Variants in GALNT17 observed in about 807,000 individuals in gnomAD.
GALNT17 encodes the protein polypeptide N-acetylgalactosaminyltransferase 17.
Under a neutral mutation model 63.7 loss-of-function variants are expected in GALNT17, and 29 were observed. That is an observed-to-expected ratio of 0.46 (90% CI 0.34 to 0.62). GALNT17 has a LOEUF of 0.62. GALNT17 is among the 20% of genes least tolerant of loss of function. The pLI, the probability that GALNT17 is intolerant of heterozygous loss-of-function variation, is 0.01. For synonymous variants in GALNT17, 305 were observed against 318.3 expected (o/e 0.96, Z 0.45); for missense variants, 603 against 799.6 (o/e 0.75, Z 2.97).
At chr7:71,664,035 G>GTT (rs35903054) in intron 6 of GALNT17, among the ~76,000 whole-genome samples, 7 of 142,502 alleles carry the variant, frequency 4.9e-5, no homozygotes, top group African/African-American at 5.1e-5. Flanking sequence ...TTACAATAAG[G>GTT]TTTTTTTTTT....
chr7:71,141,789 G>T (rs1036618272), intron 1 of GALNT17, among the ~76,000 whole-genome samples: 1 of 149,410 alleles, frequency 6.7e-6, no homozygotes, highest in African/African-American at 2.5e-5. Flanking sequence ...TGATCCTCCT[G>T]CCTCAGCCTG....
At chr7:71,140,244 C>T (rs1787861284) in intron 1 of GALNT17, among the ~76,000 whole-genome samples, 1 of 152,218 alleles carries the variant, frequency 6.6e-6, no homozygotes, top group African/African-American at 2.4e-5. Context: ...CCTTCATTTG[C>T]TGCACGCAGA....
chr7:71,174,500 A>G (rs1190556795), intron 1 of GALNT17, among the ~76,000 whole-genome samples: 1 of 152,182 alleles, frequency 6.6e-6, no homozygotes, highest in Admixed American at 6.5e-5. Flanking sequence ...TGTGAGCAAC[A>G]TGGCTGTTTA....
intron 1 of GALNT17, among the ~76,000 whole-genome samples, chr7:71,272,600 C>T (rs1790613495): frequency 6.6e-6 from 1 of 152,206 alleles, no homozygotes; most frequent in Non-Finnish European, 1.5e-5. Flanking sequence ...GCCTCAGTTA[C>T]TGCTCCCATA....
intron 1 of GALNT17, among the ~76,000 whole-genome samples, chr7:71,246,263 A>G (rs1006847903): frequency 6.6e-6 from 1 of 151,154 alleles, no homozygotes; most frequent in African/African-American, 2.4e-5. Flanking sequence ...CTGGGATTAC[A>G]GGCACCCACC....
At chr7:71,366,038 T>C (rs1394016063) in intron 2 of GALNT17, among the ~76,000 whole-genome samples, 1 of 152,122 alleles carries the variant, frequency 6.6e-6, no homozygotes, top group Non-Finnish European at 1.5e-5. Flanking sequence ...GCTCGCAACC[T>C]AGATCCCTCG....
intron 3 of GALNT17, among the ~76,000 whole-genome samples, chr7:71,394,359 C>T (rs1793102381): frequency 6.6e-6 from 1 of 152,142 alleles, no homozygotes; most frequent in Non-Finnish European, 1.5e-5. Flanking sequence ...ACCACCAGGC[C>T]CCACCTTCAA....
chr7:71,183,919 CAG>C (rs1438002188), intron 1 of GALNT17, among the ~76,000 whole-genome samples: 2 of 152,064 alleles, frequency 1.3e-5, no homozygotes, highest in Non-Finnish European at 2.9e-5. Context: ...CACAAAGCAG[CAG>C]CAGGGACAAC....
At chr7:71,689,900 A>G (rs1054960994) in intron 9 of GALNT17, among the ~76,000 whole-genome samples, 1 of 152,140 alleles carries the variant, frequency 6.6e-6, no homozygotes, top group Non-Finnish European at 1.5e-5. Context: ...CTCATTTACC[A>G]TTTTGAAGAT....
intron 9 of GALNT17, among the ~76,000 whole-genome samples, chr7:71,698,137 A>AAAAAG (rs1562740796): frequency 2.6e-5 from 4 of 151,216 alleles, no homozygotes; most frequent in Admixed American, 6.6e-5. Context: ...AAAAAAAAAA[A>AAAAAG]AAAAGAAAAG....
At chr7:71,358,778 T>C (rs879259401) in intron 2 of GALNT17, among the ~76,000 whole-genome samples, 8 of 152,108 alleles carry the variant, frequency 5.3e-5, no homozygotes, top group Non-Finnish European at 7.4e-5. Context: ...TCTTTTTCTT[T>C]TTCTTTTTTT....
intron 3 of GALNT17, among the ~76,000 whole-genome samples, chr7:71,407,765 C>T (rs1676338109): frequency 6.6e-6 from 1 of 152,020 alleles, no homozygotes; most frequent in African/African-American, 2.4e-5. Context: ...AACAAAATTA[C>T]ACACAACATA....
chr7:71,365,491 C>T lies in GALNT17; in HGVS notation c.423-22744C>T, dbSNP rs528296260. On this transcript the variant is annotated intron_variant, in intron 2 of 10. Transcript: ENST00000333538. ...TTGACCTGTGGTGATCCACCCGCCT[C>T]GGCTTCCCAAAGTGCTGGGATTATA... 3.4e-4 allele frequency among the ~76,000 whole-genome samples: 52 copies of T among 152,336 alleles called. No individual in the cohort carries two copies. In the East Asian group the frequency reaches 6.8e-3, roughly 20 times the overall value.
chr7:71,135,171 G>T (rs1476707160), intron 1 of GALNT17, among the ~76,000 whole-genome samples: 1 of 152,004 alleles, frequency 6.6e-6, no homozygotes, highest in Admixed American at 6.6e-5. Context: ...GTTTCAATTA[G>T]GAGCATTAAA....
chr7:71,201,184 A>T (rs970483488), intron 1 of GALNT17, among the ~76,000 whole-genome samples: 2 of 145,290 alleles, frequency 1.4e-5, no homozygotes. Flanking sequence ...GTGTTCGTGT[A>T]TGTGCAGGAA....
chr7:71,214,962 A>G (rs9638290), intron 1 of GALNT17, among the ~76,000 whole-genome samples: 56,698 of 152,028 alleles, frequency 0.37, 10,908 homozygotes, highest in South Asian at 0.53. Flanking sequence ...CATTCATTGA[A>G]TTCTACTTGA....
At chr7:71,180,739 A>G (rs147638258) in intron 1 of GALNT17, among the ~76,000 whole-genome samples, 16 of 152,292 alleles carry the variant, frequency 1.1e-4, no homozygotes, top group East Asian at 9.7e-4. Context: ...AAGTTCTCAG[A>G]GCTGGGGCAA....
At chr7:71,383,477 C>T (rs1005666294) in intron 2 of GALNT17, among the ~76,000 whole-genome samples, 12 of 152,114 alleles carry the variant, frequency 7.9e-5, no homozygotes, top group African/African-American at 2.4e-4. Flanking sequence ...CTTGCTCTGT[C>T]GCCCAGACTA....
At chr7:71,380,271 T>C (rs1485069785) in intron 2 of GALNT17, among the ~76,000 whole-genome samples, 1 of 151,872 alleles carries the variant, frequency 6.6e-6, no homozygotes, top group Non-Finnish European at 1.5e-5. Flanking sequence ...GAAAGGAACA[T>C]GTCAATTAAG....
Sources: gnomAD v4.1 joint callset for allele counts (sites outside exome capture counted in the v4.1 genomes callset) on GRCh38, gnomAD v4.1.1 for gene constraint, MANE v1.5 for transcripts, NCBI Gene and HGNC (gene_info 2026-07-23, HGNC 2026-07-21) for gene names.